Variants in STT3B observed in about 807,000 individuals in gnomAD.
The protein encoded by STT3B is dolichyl-diphosphooligosaccharide--protein glycosyltransferase subunit STT3B.
STT3B carries 29 observed loss-of-function variants against 96.8 expected under a neutral mutation model. That is an observed-to-expected ratio of 0.30 (90% CI 0.22 to 0.41). STT3B has a LOEUF of 0.41. Ranked by LOEUF, STT3B falls within the 10% of genes least tolerant of loss-of-function variation. The pLI, the probability that STT3B is intolerant of heterozygous loss-of-function variation, is 1.00. For missense variants in STT3B, 640 were observed against 1,022.3 expected (o/e 0.63, Z 5.10); for synonymous variants, 367 against 360.0 (o/e 1.02, Z -0.22).
chr3:31,583,005 T>C (rs1698446229), intron 3 of STT3B, among the ~76,000 whole-genome samples: 1 of 152,220 alleles, frequency 6.6e-6, no homozygotes, highest in African/African-American at 2.4e-5. Context: ...TGAGAAGAAT[T>C]GTGTATGCTG....
chr3:31,620,429 C>T (rs1247081949), intron 9 of STT3B: 4 of 152,004 alleles, frequency 2.6e-5, no homozygotes, highest in African/African-American at 9.7e-5. Flanking sequence ...ATAGCCTTGA[C>T]TTTGTTTTCT....
At position 31,632,818 on chromosome 3, in the gene STT3B, T is replaced by G. The variant is rs915123166; in HGVS notation, c.2188-117T>G. On this transcript the variant is annotated intron_variant, in intron 14 of 15. Coordinates refer to ENST00000295770, the MANE Select transcript of STT3B (RefSeq NM_178862.3). ...GAACTATTAAGGTAGATAGATTACT[T>G]GATTGTTTTCCTAGTTTAAAGGGAG... 3.4e-6 allele frequency: 3 copies of G among 880,022 alleles called. No homozygotes were observed. The East Asian group carries it at 7.4e-5, about 22-fold the overall frequency. 54.5% of individuals were successfully genotyped at this position (880,022 alleles called of 1,614,324 possible). A position where few individuals can be genotyped will look rare whatever the true frequency, so the allele number is the denominator to read the frequency against.
At chr3:31,567,961 A>G (rs936544858) in intron 1 of STT3B, among the ~76,000 whole-genome samples, 4 of 151,996 alleles carry the variant, frequency 2.6e-5, no homozygotes, top group African/African-American at 9.7e-5. Context: ...CATCCTAAGT[A>G]TATTTTTGTA....
At chr3:31,596,172 CT>C (rs1004144147) in intron 3 of STT3B, among the ~76,000 whole-genome samples, 2 of 152,086 alleles carry the variant, frequency 1.3e-5, no homozygotes, top group African/African-American at 4.8e-5. Flanking sequence ...AAGATATGAA[CT>C]GTAGTTAGTG....
At chr3:31,593,397 T>A (rs532359055) in intron 3 of STT3B, among the ~76,000 whole-genome samples, 1 of 152,278 alleles carries the variant, frequency 6.6e-6, no homozygotes, top group African/African-American at 2.4e-5. Flanking sequence ...TATCTGCCAG[T>A]ACTTTGACTA....
chr3:31,583,253 T>C (rs1268001422), intron 3 of STT3B, among the ~76,000 whole-genome samples: 1 of 152,214 alleles, frequency 6.6e-6, no homozygotes, highest in Non-Finnish European at 1.5e-5. Context: ...CTTCTTGCTG[T>C]ATTGAACTGT....
chr3:31,614,312 A>T (rs915107507), intron 5 of STT3B, among the ~76,000 whole-genome samples: 1 of 151,882 alleles, frequency 6.6e-6, no homozygotes, highest in African/African-American at 2.4e-5. Flanking sequence ...TTTCTAATGA[A>T]TTTTTAGTTT....
chr3:31,589,889 T>C (rs990607361), intron 3 of STT3B, among the ~76,000 whole-genome samples: 2 of 151,952 alleles, frequency 1.3e-5, no homozygotes, highest in Non-Finnish European at 1.5e-5. Context: ...GACAGGGTAC[T>C]TTTTCCTGCC....
chr3:31,617,139 A>G lies in STT3B; in HGVS notation c.1123+64A>G, dbSNP rs945796824. The G allele has an allele frequency of 6.2e-6, 8 of 1,288,072 alleles. No homozygotes were observed. In the East Asian group the frequency reaches 1.0e-4, roughly 17 times the overall value. 79.8% of individuals were successfully genotyped at this position (1,288,072 alleles called of 1,614,324 possible). A position where few individuals can be genotyped will look rare whatever the true frequency, so the allele number is the denominator to read the frequency against. ...ACAAACAATATAAGAAAAATAGCCA[A>G]AGTTTCTAAAATCTGAATAACAGCA... On this transcript the variant is annotated intron_variant, in intron 7 of 15. Transcript: ENST00000295770.
intron 1 of STT3B, among the ~76,000 whole-genome samples, chr3:31,543,894 T>C (rs1280487387): frequency 6.6e-6 from 1 of 152,168 alleles, no homozygotes; most frequent in Non-Finnish European, 1.5e-5. Flanking sequence ...GAACATTGAA[T>C]AAGAGAAGAC....
At chr3:31,567,073 C>T (rs955579082) in intron 1 of STT3B, among the ~76,000 whole-genome samples, 2 of 152,198 alleles carry the variant, frequency 1.3e-5, no homozygotes, top group African/African-American at 4.8e-5. Flanking sequence ...TCATTATGCT[C>T]TCTCTATCCA....
Position 31,616,910 on chromosome 3 carries a change from G to T in STT3B, c.977-19G>T. 6.3e-7 allele frequency: 1 copy of T among 1,584,738 alleles called. No individual in the cohort carries two copies. The highest frequency in any genetic ancestry group is 8.6e-7 in the Non-Finnish European group (1 of 1,163,012). ...TGGAAAACTGCTTTGTTGATTATGT[G>T]ACCCTTTTCTTTAATTAGGTGTCTT... On this transcript the variant is annotated intron_variant, in intron 6 of 15. Transcript: ENST00000295770.
intron 1 of STT3B, among the ~76,000 whole-genome samples, chr3:31,561,496 A>T (rs1039143716): frequency 6.6e-6 from 1 of 152,094 alleles, no homozygotes; most frequent in African/African-American, 2.4e-5. Flanking sequence ...CTATTGTGCT[A>T]TCAAATAGGT....
rs911978662 is a variant in STT3B, at chr3:31,632,393, TAAGTA to T, written c.2188-538_2188-534del. ...CGAAGATACAGGTAATTTTTAGCGT[TAAGTA>T]AAGATGTTAATAATATATGTTATGG... On this transcript the variant is annotated intron_variant, in intron 14 of 15. Coordinates refer to ENST00000295770, the MANE Select transcript of STT3B (RefSeq NM_178862.3). Among the ~76,000 whole-genome samples the T allele has an allele frequency of 1.5e-4, 23 of 152,310 alleles. No homozygotes were observed. The East Asian group carries it at 2.7e-3, about 18-fold the overall frequency.
intron 5 of STT3B, among the ~76,000 whole-genome samples, chr3:31,610,481 T>TGCAAC (rs1559385345): frequency 3.0e-5 from 1 of 33,696 alleles, no homozygotes; most frequent in Non-Finnish European, 1.8e-4. Context: ...CAATGTAAGC[T>TGCAAC]GCAATGCCTT....
chr3:31,600,256 A>G, intron 4 of STT3B, 104 bp from the exon 5 acceptor site: 1 of 462,236 alleles, frequency 2.2e-6, no homozygotes, highest in Non-Finnish European at 3.7e-6. Flanking sequence ...CAAAATTGCT[A>G]AAATCTTAAT....
intron 9 of STT3B, 68 bp from the exon 10 acceptor site, chr3:31,622,029 A>T: frequency 3.3e-6 from 3 of 896,954 alleles, no homozygotes; most frequent in Non-Finnish European, 3.4e-6. Flanking sequence ...TTATAGTTTT[A>T]AGTATCTAGT....
In STT3B at chr3:31,621,966, A is replaced by G. The variant is rs547979609; in HGVS notation, c.1328-131A>G. ...ATTAATCAGTTGTTCAGTAGTATCA[A>G]TTTAGAAACAATTAGATCGTTTGTG... is the stretch of plus-strand genomic sequence containing the variant. On this transcript the variant is annotated intron_variant, in intron 9 of 15. Coordinates refer to ENST00000295770, the MANE Select transcript of STT3B (RefSeq NM_178862.3). 1.1e-5 allele frequency: 7 copies of G among 656,754 alleles called. No individual in the cohort carries two copies. The African/African-American group carries it at 1.1e-4, about 10-fold the overall frequency. The allele number at this position is 656,754 out of a possible 1,614,324, so 40.7% of individuals were successfully genotyped here. A position where few individuals can be genotyped will look rare whatever the true frequency, so the allele number is the denominator to read the frequency against.
intron 3 of STT3B, among the ~76,000 whole-genome samples, 181 bp downstream of exon 3, chr3:31,580,277 T>G (rs940142524): frequency 3.9e-5 from 6 of 152,180 alleles, no homozygotes; most frequent in African/African-American, 1.4e-4. Context: ...TCTCTCAAGT[T>G]ATGTGTAAAT....
Sources: gnomAD v4.1 joint callset for allele counts (sites outside exome capture counted in the v4.1 genomes callset) on GRCh38, gnomAD v4.1.1 for gene constraint, MANE v1.5 for transcripts, NCBI Gene and HGNC (gene_info 2026-07-23, HGNC 2026-07-21) for gene names.